The following PPA2 variants were observed in gnomAD, a reference collection of about 807,000 sequenced individuals.
PPA2 encodes inorganic pyrophosphatase 2, mitochondrial.
PPA2 carries 48 observed loss-of-function variants against 49.5 expected under a neutral mutation model. The observed-to-expected ratio is 0.97, with a 90% CI of 0.77 to 1.23. The LOEUF (loss-of-function observed/expected upper bound fraction) is 1.23, where lower values mean the gene tolerates loss of function less well. Among genes scored for constraint, PPA2 ranks in the 50% most tolerant of loss-of-function variants. The pLI is 0.00. For missense variants in PPA2, 429 were observed against 410.1 expected (o/e 1.05, Z -0.40); for synonymous variants, 131 against 139.9 (o/e 0.94, Z 0.45).
intron 1 of PPA2, among the ~76,000 whole-genome samples, chr4:105,461,363 C>T (rs896899366): frequency 3.9e-5 from 6 of 152,320 alleles, no homozygotes; most frequent in Admixed American, 2.0e-4. Flanking sequence ...TGAAAACCCT[C>T]ACTGCACATT....
Position 105,438,052 on chromosome 4 carries a change from TA to T in PPA2, c.442-17del. On this transcript the variant is annotated splice_polypyrimidine_tract_variant and intron_variant, in intron 5 of 11. Transcript: ENST00000341695. ...CTTCCCAAGTCTAAAATTTTTTTTT[TA>T]AAAAAAAGCAGAAATGTAAGTTAAT... The T allele has an allele frequency of 2.0e-6, 3 of 1,499,434 alleles. No individual in the cohort carries two copies. Among genetic ancestry groups the T allele is most frequent in the East Asian group, 2.3e-5 (1 of 43,090 alleles). 92.9% of individuals were successfully genotyped at this position (1,499,434 alleles called of 1,614,324 possible).
chr4:105,405,084 AAAAT>A (rs1692173572), intron 7 of PPA2: 1 of 488,496 alleles, frequency 2.0e-6, no homozygotes, highest in South Asian at 8.9e-5. Flanking sequence ...CTCCGCCTCA[AAAAT>A]AAATAAATGA....
intron 5 of PPA2, among the ~76,000 whole-genome samples, chr4:105,444,026 G>A (rs1724495077): frequency 6.6e-6 from 1 of 152,050 alleles, no homozygotes; most frequent in Admixed American, 6.6e-5. Context: ...ATTTTACTTG[G>A]GGTTTATTTT....
Position 105,437,249 on chromosome 4 carries a change from T to C in PPA2, c.528+701A>G, listed in dbSNP as rs188848529. Among the ~76,000 whole-genome samples, 210 of 102,596 alleles carry C rather than the reference T, an allele frequency of 2.0e-3. 2 individuals are homozygous for C. The highest frequency in any genetic ancestry group is 1.2e-3 in the Non-Finnish European group (53 of 42,776). The allele number at this position is 102,596 out of a possible 152,430, so 67.3% of individuals were successfully genotyped here. On this transcript the variant is annotated intron_variant, in intron 6 of 11. Coordinates refer to ENST00000341695, the MANE Select transcript of PPA2 (RefSeq NM_176869.3). ...TTAAACCACATTGAAAGTTTTTATG[T>C]GCTGGTTTCTGAGCTCTACAAAATT... is the stretch of plus-strand genomic sequence containing the variant.
intron 5 of PPA2, among the ~76,000 whole-genome samples, chr4:105,443,013 CAA>C (rs1724437734): frequency 6.6e-6 from 1 of 152,042 alleles, no homozygotes; most frequent in South Asian, 2.1e-4. Context: ...TATCAGTGAA[CAA>C]AAGAGACAGA....
intron 10 of PPA2, among the ~76,000 whole-genome samples, chr4:105,373,575 T>G (rs932855883): frequency 3.3e-5 from 5 of 152,162 alleles, no homozygotes; most frequent in Non-Finnish European, 7.4e-5. Context: ...AAAAATAGAA[T>G]AATTGAGCAG....
rs115370618 is a variant in PPA2, at chr4:105,435,345, G to A, written c.528+2605C>T. Among the ~76,000 whole-genome samples the A allele has an allele frequency of 2.5e-3, 383 of 152,276 alleles. 2 individuals are homozygous for A. Among genetic ancestry groups the A allele is most frequent in the African/African-American group, 8.9e-3 (371 of 41,566 alleles). ...GCTATAAGATGCAAGGATGATATGT[G>A]AATTCATGAATTGTTCCATGTTTTT... On this transcript the variant is annotated intron_variant, in intron 6 of 11. Coordinates refer to ENST00000341695, the MANE Select transcript of PPA2 (RefSeq NM_176869.3).
In PPA2 at chr4:105,424,243, T is replaced by G. The variant is rs780799443; in HGVS notation, c.608A>C (p.Lys203Thr). ...ATCATTCGCATTGATAGCAATTAAT[T>G]TCCAATCTGTTTCACCTTCATCAAT... is the stretch of plus-strand genomic sequence containing the variant. ...ALIDEGETDW[K>T]LIAINANDPE... Residue 203 changes from lysine to threonine, a missense_variant, in exon 7 of 12, where the codon AAA (lysine) becomes ACA (threonine). By Grantham distance (78) the Lys-to-Thr change is moderately conservative. Transcript: ENST00000341695. The G allele has an allele frequency of 1.9e-6, 3 of 1,610,366 alleles. No individual in the cohort carries two copies. The highest frequency in any genetic ancestry group is 1.7e-4 in the Middle Eastern group (1 of 6,054).
At chr4:105,429,582 G>A (rs192935815) in intron 6 of PPA2, among the ~76,000 whole-genome samples, 13 of 152,248 alleles carry the variant, frequency 8.5e-5, no homozygotes, top group Admixed American at 8.5e-4. Flanking sequence ...CACCAAGAAA[G>A]TGGACCTGTT....
Position 105,399,024 on chromosome 4 carries a change from T to C in PPA2, c.783+13A>G, listed in dbSNP as rs770276689. On this transcript the variant is annotated intron_variant, in intron 8 of 11. Transcript: ENST00000341695. Reference sequence around the variant, plus strand: ...CAGGAGGTACATTTTAAAATAAAGATTCTCATCTTCACCTTGTTTTTGAAT... The same window carrying C: ...CAGGAGGTACATTTTAAAATAAAGACTCTCATCTTCACCTTGTTTTTGAAT... 5.6e-6 allele frequency: 9 copies of C among 1,603,352 alleles called. No individual in the cohort carries two copies. The highest frequency in any genetic ancestry group is 7.6e-6 in the Non-Finnish European group (9 of 1,177,352).
In PPA2 at chr4:105,453,627, T is replaced by C. The variant is rs138556360; in HGVS notation, c.238A>G (p.Met80Val). ...VNSKEENGIP[M>V]KKARNDEYEN... ...TATTCATCATTTCGTGCTTTCTTCA[T>C]AGGAATGCCATTTTCCTATAAAAGA... The change falls in exon 3 of 12, where the codon ATG becomes GTG. Residue 80 changes from methionine to valine, a missense_variant. Coordinates refer to ENST00000341695, the MANE Select transcript of PPA2 (RefSeq NM_176869.3). 2.4e-5 allele frequency: 39 copies of C among 1,607,362 alleles called. No homozygotes were observed. The East Asian group carries it at 8.3e-4, about 34-fold the overall frequency.
chr4:105,421,427 C>T (rs989360289), intron 7 of PPA2, among the ~76,000 whole-genome samples: 3 of 151,868 alleles, frequency 2.0e-5, no homozygotes, highest in African/African-American at 7.3e-5. Context: ...TTTTTATTTC[C>T]ATGTATAAAA....
intron 10 of PPA2, among the ~76,000 whole-genome samples, chr4:105,383,233 T>C (rs1733560543): frequency 6.6e-6 from 1 of 152,220 alleles, no homozygotes; most frequent in Non-Finnish European, 1.5e-5. Context: ...ATAATCATTT[T>C]GATCATTTAA....
At chr4:105,442,471 A>G (rs1247361171) in intron 5 of PPA2, among the ~76,000 whole-genome samples, 1 of 152,258 alleles carries the variant, frequency 6.6e-6, no homozygotes, top group South Asian at 2.1e-4. Context: ...CAAAATAAAC[A>G]TATCAATACT....
intron 7 of PPA2, among the ~76,000 whole-genome samples, chr4:105,401,391 A>G (rs1216895682): frequency 6.6e-6 from 1 of 152,146 alleles, no homozygotes; most frequent in Non-Finnish European, 1.5e-5. Flanking sequence ...TTTTATTTAC[A>G]TTTAAAAAAT....
At chr4:105,380,508 T>A (rs1352703141) in intron 10 of PPA2, among the ~76,000 whole-genome samples, 1 of 152,192 alleles carries the variant, frequency 6.6e-6, no homozygotes, top group Non-Finnish European at 1.5e-5. Context: ...ACGAAGTACT[T>A]CAAACATATT....
intron 10 of PPA2, among the ~76,000 whole-genome samples, chr4:105,377,214 C>A (rs1364354270): frequency 6.6e-6 from 1 of 152,058 alleles, no homozygotes. Flanking sequence ...GGAGTGATAT[C>A]CTCATCATTA....
At chr4:105,447,227 C>T (rs1722426258) in intron 4 of PPA2, among the ~76,000 whole-genome samples, 1 of 152,138 alleles carries the variant, frequency 6.6e-6, no homozygotes, top group Non-Finnish European at 1.5e-5. Flanking sequence ...GCAGAACATT[C>T]TGTCATTTGT....
intron 1 of PPA2, among the ~76,000 whole-genome samples, chr4:105,469,285 A>G (rs564018864): frequency 1.3e-5 from 2 of 152,328 alleles, no homozygotes; most frequent in South Asian, 4.1e-4. Context: ...CGATATTGCC[A>G]AACAGTGGTC....
Sources: allele counts gnomAD v4.1 joint callset (sites outside exome capture counted in the v4.1 genomes callset), GRCh38; gene constraint gnomAD v4.1.1; transcripts MANE v1.5; gene names NCBI Gene and HGNC (gene_info 2026-07-23, HGNC 2026-07-21).